MAEL: variants seen among roughly 807,000 people sequenced by gnomAD.
The protein encoded by MAEL is protein maelstrom homolog.
Under a neutral mutation model 62.0 loss-of-function variants are expected in MAEL, and 46 were observed. That is an observed-to-expected ratio of 0.74 (90% CI 0.59 to 0.95). MAEL has a LOEUF of 0.95. Among genes scored for constraint, MAEL ranks in the 40% least tolerant of loss-of-function variants. The pLI is 0.00. For missense variants in MAEL, 497 were observed against 526.8 expected, an observed-to-expected ratio of 0.94 and a Z score of 0.55; for synonymous variants, 172 against 175.5, an observed-to-expected ratio of 0.98 and a Z score of 0.16.
chr1:167,021,923 A>G lies in MAEL; in HGVS notation c.*68A>G, dbSNP rs1032211112. ...ACTTCCTTCTTACTACAGTCATATT[A>G]AACAGATCACATCAATGACAAATGT... is the stretch of plus-strand genomic sequence containing the variant. On this transcript the variant is annotated 3_prime_UTR_variant, in exon 12 of 12. Transcript: ENST00000367872. The G allele has an allele frequency of 6.2e-6, 6 of 974,934 alleles. No individual in the cohort carries two copies. Among genetic ancestry groups the G allele is most frequent in the African/African-American group, 1.6e-5 (1 of 61,000 alleles). 60.4% of individuals were successfully genotyped at this position (974,934 alleles called of 1,614,324 possible). A position where few individuals can be genotyped will look rare whatever the true frequency, so the allele number is the denominator to read the frequency against.
At chr1:166,985,265 C>T (rs1663877673), upstream of MAEL, among the ~76,000 whole-genome samples, 3 of 151,946 alleles carry the variant, frequency 2.0e-5, no homozygotes, top group Non-Finnish European at 2.9e-5. Flanking sequence ...TGTCAAGGTG[C>T]GCCACAGTGG....
intron 9 of MAEL, 146 bp downstream of exon 9, chr1:167,016,430 G>C: frequency 1.4e-6 from 1 of 696,678 alleles, no homozygotes; most frequent in Non-Finnish European, 2.5e-6. Context: ...CAAAACTACA[G>C]TGAGATATTA....
Position 167,021,800 on chromosome 1 carries a change from T to C in MAEL, c.1250T>C (p.Leu417Pro), listed in dbSNP as rs1665642802. 1 of 1,612,820 alleles carries C rather than the reference T, an allele frequency of 6.2e-7. No individual in the cohort carries two copies. The highest frequency in any genetic ancestry group is 2.2e-5 in the East Asian group (1 of 44,864). Residue 417 changes from leucine (L) to proline (P), a missense_variant, in exon 12 of 12, where the codon CTC becomes CCC. Coordinates refer to ENST00000367872, the MANE Select transcript of MAEL (RefSeq NM_032858.3). ...IHKFSNCDTS[L>P]SPYMSQKDGY... ...AAATTCTCCAACTGTGACACTTCAC[T>C]CTCACCTTACATGTCCCAAAAAGAT...
Position 167,016,282 on chromosome 1 carries a change from T to C in MAEL, c.906T>C (p.Ile302=). 2 of 1,613,400 alleles carry C rather than the reference T, an allele frequency of 1.2e-6. No individual in the cohort carries two copies. The highest frequency in any genetic ancestry group is 8.5e-7 in the Non-Finnish European group (1 of 1,179,540). Residue 302 remains isoleucine, a splice_region_variant and synonymous_variant, in exon 9 of 12, where the codon ATT becomes ATC. Transcript: ENST00000367872. Reference sequence around the variant, plus strand: ...GTGCTTTAGCTGTTTGCAAGAAGATTGCGTAAGTTGGGGAAAGGAGTTTCT... The same window carrying C: ...GTGCTTTAGCTGTTTGCAAGAAGATCGCGTAAGTTGGGGAAAGGAGTTTCT... ...LFCALAVCKK[I]AYCISNSLAT...
At chr1:166,977,117 C>T (rs1663615916) in intron 1 of MAEL, among the ~76,000 whole-genome samples, 1 of 152,184 alleles carries the variant, frequency 6.6e-6, no homozygotes, top group Non-Finnish European at 1.5e-5. Flanking sequence ...CCAGGATGCT[C>T]CAAGGTGTGA....
intron 1 of MAEL, among the ~76,000 whole-genome samples, chr1:166,980,058 C>T (rs561617612): frequency 1.3e-5 from 2 of 152,128 alleles, no homozygotes; most frequent in African/African-American, 4.8e-5. Flanking sequence ...ACTCTGTCAC[C>T]CAGACTGGAC....
chr1:166,985,464 T>A (rs1168023693), upstream of MAEL, among the ~76,000 whole-genome samples: 1 of 152,210 alleles, frequency 6.6e-6, no homozygotes, highest in Non-Finnish European at 1.5e-5. Flanking sequence ...ATCCTTGGAA[T>A]TCACATAGGA....
In MAEL at chr1:167,021,870, T is replaced by C. The variant is rs755921906; in HGVS notation, c.*15T>C. ...CCTTATCTTAATGATGGTACTCTTTTCAATTTCTGAAAACAGTAACAGGCC... is the reference window on the plus strand; with the variant it reads ...CCTTATCTTAATGATGGTACTCTTTCCAATTTCTGAAAACAGTAACAGGCC... On this transcript the variant is annotated 3_prime_UTR_variant, in exon 12 of 12. Transcript: ENST00000367872. The C allele has an allele frequency of 2.0e-5, 32 of 1,570,052 alleles. No homozygotes were observed. The highest frequency in any genetic ancestry group is 1.5e-4 in the South Asian group (13 of 86,832).
intron 9 of MAEL, among the ~76,000 whole-genome samples, chr1:167,017,059 C>G (rs1665425926): frequency 6.6e-6 from 1 of 151,954 alleles, no homozygotes; most frequent in Admixed American, 6.6e-5. Context: ...TGAATAAGGC[C>G]TAGTATTTGA....
chr1:167,008,766 A>G (rs1442916961), intron 8 of MAEL, among the ~76,000 whole-genome samples: 1 of 152,042 alleles, frequency 6.6e-6, no homozygotes, highest in East Asian at 1.9e-4. Flanking sequence ...TTTCATTGCC[A>G]TTTTAAATAA....
At chr1:166,997,775 G>T (rs1295617002) in intron 5 of MAEL, among the ~76,000 whole-genome samples, 1 of 152,068 alleles carries the variant, frequency 6.6e-6, no homozygotes, top group Non-Finnish European at 1.5e-5. Flanking sequence ...TCTTATTCAA[G>T]AATTCTTTAC....
chr1:167,003,628 C>T (rs963115935), intron 5 of MAEL, among the ~76,000 whole-genome samples: 4 of 152,224 alleles, frequency 2.6e-5, no homozygotes, highest in Non-Finnish European at 5.9e-5. Flanking sequence ...TAAAGCTAAT[C>T]TCACCGCTCT....
At chr1:167,011,251 T>C (rs1204745124) in intron 8 of MAEL, among the ~76,000 whole-genome samples, 1 of 152,200 alleles carries the variant, frequency 6.6e-6, no homozygotes, top group Non-Finnish European at 1.5e-5. Context: ...AATTGCTCCA[T>C]TGGAAATTAC....
At chr1:167,013,630 T>G (rs575099292) in intron 8 of MAEL, among the ~76,000 whole-genome samples, 297 of 152,316 alleles carry the variant, frequency 1.9e-3, no homozygotes, top group Admixed American at 4.2e-3. Context: ...TTCTGGATTG[T>G]GAGTTGTGGT....
rs1166762021 is a variant in MAEL, at chr1:167,018,065, C to T, written c.1041+106C>T. 18 of 1,030,066 alleles carry T rather than the reference C, an allele frequency of 1.7e-5. No individual in the cohort carries two copies. The East Asian group carries it at 4.6e-4, about 26-fold the overall frequency. 63.8% of individuals were successfully genotyped at this position (1,030,066 alleles called of 1,614,324 possible). Reference sequence around the variant, plus strand: ...CAGCCTTTGTTTGGTTCTTTCCCTCCCCTTAAACATTATTTTGAAGTACTT... The same window carrying T: ...CAGCCTTTGTTTGGTTCTTTCCCTCTCCTTAAACATTATTTTGAAGTACTT... On this transcript the variant is annotated intron_variant, in intron 10 of 11. Transcript: ENST00000367872.
chr1:167,001,412 A>G (rs2102090112), intron 5 of MAEL, among the ~76,000 whole-genome samples: 1 of 152,358 alleles, frequency 6.6e-6, no homozygotes, highest in South Asian at 2.1e-4. Context: ...ACCTACGGAA[A>G]TAAAAACATT....
At chr1:167,005,825 A>G (rs894216549) in intron 8 of MAEL, 8 of 152,566 alleles carry the variant, frequency 5.2e-5, no homozygotes, top group African/African-American at 1.9e-4. Flanking sequence ...CTAACATTTT[A>G]ATACATTTTC....
intron 8 of MAEL, among the ~76,000 whole-genome samples, chr1:167,006,601 C>CTATATATA (rs200881169): frequency 0.017 from 1,660 of 97,618 alleles, 50 homozygotes; most frequent in Non-Finnish European, 0.021. Context: ...TGGTTTTTTA[C>CTATATATA]TATATATATA....
At chr1:166,986,600 G>T (rs1486914245), upstream of MAEL, among the ~76,000 whole-genome samples, 1 of 152,136 alleles carries the variant, frequency 6.6e-6, no homozygotes, top group African/African-American at 2.4e-5. Flanking sequence ...AAAATAGAAT[G>T]TATAACTTTA....
Sources: gnomAD v4.1 joint callset for allele counts (sites outside exome capture counted in the v4.1 genomes callset) on GRCh38, gnomAD v4.1.1 for gene constraint, MANE v1.5 for transcripts, NCBI Gene and HGNC (gene_info 2026-07-23, HGNC 2026-07-21) for gene names.